PDX1: variants seen among roughly 807,000 people sequenced by gnomAD.
PDX1 encodes pancreas/duodenum homeobox protein 1.
PDX1 carries 7 observed loss-of-function variants against 11.1 expected under a neutral mutation model. The ratio of observed to expected loss-of-function variants is 0.63; its 90% CI spans 0.36 to 1.19. The LOEUF is 1.19. Among genes scored for constraint, PDX1 ranks in the 50% most tolerant of loss-of-function variants. PDX1 has a pLI of 0.02. For missense variants in PDX1, 449 were observed against 412.1 expected (o/e 1.09, Z -0.78); for synonymous variants, 232 against 196.2 (o/e 1.18, Z -1.53).
chr13:27,924,737 C>A lies in PDX1; in HGVS notation c.*36C>A. On this transcript the variant is annotated 3_prime_UTR_variant, in exon 2 of 2. Coordinates refer to ENST00000381033, the MANE Select transcript of PDX1 (RefSeq NM_000209.4). This position sits in a 1 kb window ranked among gnomAD's most constrained non-coding sequence, Gnocchi z 4.8. The stretch of plus-strand genomic sequence containing the variant: ...CTGCTCCTGGCTGAGGGGCTTCAAC[C>A]ACTCGCCGAGGAGGAGCAGAGGGCC... The A allele has an allele frequency of 1.4e-6, 2 of 1,419,980 alleles. No homozygotes were observed. Among genetic ancestry groups the A allele is most frequent in the South Asian group, 1.5e-5 (1 of 67,340 alleles). The allele number at this position is 1,419,980 out of a possible 1,614,324, so 88.0% of individuals were successfully genotyped here.
intron 1 of PDX1, 24 bp downstream of exon 1, chr13:27,920,568 T>G: frequency 6.2e-7 from 1 of 1,612,088 alleles, no homozygotes; most frequent in South Asian, 1.1e-5. Flanking sequence ...CCCACCCCTT[T>G]CTCCTTTCCG....
rs920108298 is a variant in PDX1, at chr13:27,924,619, G to A, written c.770G>A (p.Arg257Gln). 9 of 1,471,902 alleles carry A rather than the reference G, an allele frequency of 6.1e-6. No homozygotes were observed. Among genetic ancestry groups the A allele is most frequent in the Non-Finnish European group, 7.2e-6 (8 of 1,117,160 alleles). 91.2% of individuals were successfully genotyped at this position (1,471,902 alleles called of 1,614,324 possible). Reference protein sequence around the residue: ...AVPPAAPVAAREGRLPPGLSA... With the variant: ...AVPPAAPVAAQEGRLPPGLSA... ...CCGCCCGCTGCCCCCGTTGCCGCCCGAGAGGGCCGCCTGCCGCCTGGCCTT... is the reference window on the plus strand; with the variant it reads ...CCGCCCGCTGCCCCCGTTGCCGCCCAAGAGGGCCGCCTGCCGCCTGGCCTT... Residue 257 changes from arginine (R) to glutamine (Q), a missense_variant, in exon 2 of 2, where the codon CGA becomes CAA. Arg to Gln is a conservative substitution (Grantham distance 43). Around this residue, in one of 3 missense-constraint regions of PDX1, gnomAD observed 139 missense variants for 121.4 expected, o/e 1.14. Transcript: ENST00000381033. This position sits in a 1 kb window ranked among gnomAD's most constrained non-coding sequence, Gnocchi z 4.8.
intron 1 of PDX1, among the ~76,000 whole-genome samples, chr13:27,920,961 G>A (rs1957782113): frequency 6.6e-6 from 1 of 152,222 alleles, no homozygotes; most frequent in African/African-American, 2.4e-5. Flanking sequence ...CTCGGACCCA[G>A]GCCCCAGATC....
Position 27,924,654 on chromosome 13 carries a change from C to T in PDX1, c.805C>T (p.Pro269Ser). The part of the protein sequence containing the change: ...GRLPPGLSAS[P>S]QPSSVAPRRP... ...CCTGCCGCCTGGCCTTAGCGCGTCG[C>T]CACAGCCCTCCAGCGTCGCGCCTCG... Residue 269 changes from proline (P) to serine (S), a missense_variant, in exon 2 of 2, where the codon CCA becomes TCA. This residue lies in a region of PDX1 where 139 missense variants were observed against 121.4 expected (regional missense o/e 1.14). Transcript: ENST00000381033. The surrounding 1 kb of genome is among the most constrained non-coding windows in gnomAD (Gnocchi z 4.8). 2 of 1,477,980 alleles carry T rather than the reference C, an allele frequency of 1.4e-6. No individual in the cohort carries two copies. The highest frequency in any genetic ancestry group is 5.7e-5 in the East Asian group (2 of 34,984). The allele number at this position is 1,477,980 out of a possible 1,614,324, so 91.6% of individuals were successfully genotyped here.
In PDX1 at chr13:27,925,574, C is replaced by T. The variant is rs11620280; in HGVS notation, c.*873C>T. On this transcript the variant is annotated 3_prime_UTR_variant, in exon 2 of 2. Transcript: ENST00000381033. ...CTCTTCCTCCTCCTCCTCTTCTTCT[C>T]CCTCCTCTTCCTCCTCCTCTTTCTT... 2.1e-5 allele frequency: 4 copies of T among 192,046 alleles called. No homozygotes were observed. Among genetic ancestry groups the T allele is most frequent in the South Asian group, 8.3e-5 (1 of 12,074 alleles). The allele number at this position is 192,046 out of a possible 1,614,324, so 11.9% of individuals were successfully genotyped here.
At chr13:27,921,763 T>C (rs1472575666) in intron 1 of PDX1, among the ~76,000 whole-genome samples, 1 of 152,178 alleles carries the variant, frequency 6.6e-6, no homozygotes, top group African/African-American at 2.4e-5. Flanking sequence ...TTCACTTTCT[T>C]GCTAAGGCGA....
In PDX1 at chr13:27,920,210, G is replaced by A. The variant is rs1406600957; in HGVS notation, c.72G>A (p.Pro24=). The change falls in exon 1 of 2, where the codon CCG becomes CCA. Residue 24 remains proline, a synonymous_variant. Transcript: ENST00000381033. ...ACCCATGCGCGTTCCAGCGAGGCCC[G>A]GCGCCGGAGTTCAGCGCCAGCCCCC... ...YKDPCAFQRG[P]APEFSASPPA... is the part of the protein sequence containing the mutation. 3.2e-6 allele frequency: 5 copies of A among 1,549,334 alleles called. No homozygotes were observed. Among genetic ancestry groups the A allele is most frequent in the South Asian group, 2.4e-5 (2 of 84,004 alleles).
rs770346335 is a variant in PDX1 at position 27,924,641 on chromosome 13, C to T, written c.792C>T (p.Gly264=). Residue 264 remains glycine, a synonymous_variant, in exon 2 of 2, where the codon GGC becomes GGT. Coordinates refer to ENST00000381033, the MANE Select transcript of PDX1 (RefSeq NM_000209.4). This position sits in a 1 kb window ranked among gnomAD's most constrained non-coding sequence, Gnocchi z 4.8. ...VAAREGRLPP[G]LSASPQPSSV... ...CCCGAGAGGGCCGCCTGCCGCCTGG[C>T]CTTAGCGCGTCGCCACAGCCCTCCA... 2.0e-6 allele frequency: 3 copies of T among 1,480,800 alleles called. No homozygotes were observed. The highest frequency in any genetic ancestry group is 1.3e-5 in the South Asian group (1 of 77,180). 91.7% of individuals were successfully genotyped at this position (1,480,800 alleles called of 1,614,324 possible). A position where few individuals can be genotyped will look rare whatever the true frequency, so the allele number is the denominator to read the frequency against.
Position 27,924,272 on chromosome 13 carries a change from G to A in PDX1, c.423G>A (p.Ala141=). 1.9e-6 allele frequency: 3 copies of A among 1,604,914 alleles called. No homozygotes were observed. The highest frequency in any genetic ancestry group is 2.2e-5 in the East Asian group (1 of 44,644). Residue 141 remains alanine, a synonymous_variant, in exon 2 of 2, where the codon GCG becomes GCA. Coordinates refer to ENST00000381033, the MANE Select transcript of PDX1 (RefSeq NM_000209.4). This position sits in a 1 kb window ranked among gnomAD's most constrained non-coding sequence, Gnocchi z 4.8. Reference sequence around the variant, plus strand: ...CGCCCGCAGGCGGCGCCTACGCTGCGGAGCCGGAGGAGAACAAGCGGACGC... The same window carrying A: ...CGCCCGCAGGCGGCGCCTACGCTGCAGAGCCGGAGGAGAACAAGCGGACGC... ...KGQWAGGAYA[A]EPEENKRTRT... is the part of the protein sequence containing the mutation.
chr13:27,922,769 A>C (rs189205049), intron 1 of PDX1, among the ~76,000 whole-genome samples: 1 of 152,278 alleles, frequency 6.6e-6, no homozygotes, highest in Non-Finnish European at 1.5e-5. Context: ...TCTCGCAGGG[A>C]CTATACGAAG....
chr13:27,924,700 G>A lies in PDX1; in HGVS notation c.851G>A (p.Ter284=), dbSNP rs1356661328. The A allele has an allele frequency of 1.5e-5, 22 of 1,472,356 alleles. No individual in the cohort carries two copies. Among genetic ancestry groups the A allele is most frequent in the African/African-American group, 1.5e-4 (10 of 68,612 alleles). 91.2% of individuals were successfully genotyped at this position (1,472,356 alleles called of 1,614,324 possible). A position where few individuals can be genotyped will look rare whatever the true frequency, so the allele number is the denominator to read the frequency against. ...VAPRRPQEPR[*] is the part of the protein sequence containing the mutation. ...CCTCGGCGGCCGCAGGAACCACGAT[G>A]AGAGGCAGGAGCTGCTCCTGGCTGA... Residue 284 remains the stop codon, a stop_retained_variant, in exon 2 of 2, where the codon TGA becomes TAA. Transcript: ENST00000381033. This position sits in a 1 kb window ranked among gnomAD's most constrained non-coding sequence, Gnocchi z 4.8.
intron 1 of PDX1, among the ~76,000 whole-genome samples, chr13:27,922,870 G>C (rs1957797745): frequency 6.6e-6 from 1 of 152,204 alleles, no homozygotes; most frequent in Admixed American, 6.5e-5. Flanking sequence ...GGCCCGTCTC[G>C]CTTCTCTCCC....
Position 27,924,595 on chromosome 13 carries a change from C to A in PDX1, c.746C>A (p.Pro249Gln). 6.8e-7 allele frequency: 1 copy of A among 1,463,874 alleles called. No homozygotes were observed. The highest frequency in any genetic ancestry group is 1.4e-5 in the South Asian group (1 of 71,610). The allele number at this position is 1,463,874 out of a possible 1,614,324, so 90.7% of individuals were successfully genotyped here. ...PPPPPPGGAV[P>Q]PAAPVAAREG... ...CCGCCGCCCCCCGGAGGTGCTGTGC[C>A]GCCCGCTGCCCCCGTTGCCGCCCGA... The change falls in exon 2 of 2, where the codon CCG becomes CAG. Residue 249 changes from proline to glutamine, a missense_variant. Pro to Gln is a moderately conservative substitution (Grantham distance 76). Coordinates refer to ENST00000381033, the MANE Select transcript of PDX1 (RefSeq NM_000209.4). The surrounding 1 kb of genome is among the most constrained non-coding windows in gnomAD (Gnocchi z 4.8).
In PDX1 at chr13:27,924,819, C is replaced by CG. The variant is rs1957813944; in HGVS notation, c.*122dup. The CG allele has an allele frequency of 1.2e-6, 1 of 847,572 alleles. No individual in the cohort carries two copies. Among genetic ancestry groups the CG allele is most frequent in the South Asian group, 3.5e-5 (1 of 28,532 alleles). 52.5% of individuals were successfully genotyped at this position (847,572 alleles called of 1,614,324 possible). On this transcript the variant is annotated 3_prime_UTR_variant, in exon 2 of 2. Transcript: ENST00000381033. This position sits in a 1 kb window ranked among gnomAD's most constrained non-coding sequence, Gnocchi z 4.8. Reference sequence around the variant, plus strand: ...TGGCAGTTGAATGGGGCGGCAATTGCGGGGCCCACCTTAGACCGAAGGGGA... The same window carrying CG: ...TGGCAGTTGAATGGGGCGGCAATTGCGGGGGCCCACCTTAGACCGAAGGGGA...
chr13:27,923,919 T>C (rs2137505699), intron 1 of PDX1, among the ~76,000 whole-genome samples: 1 of 152,354 alleles, frequency 6.6e-6, no homozygotes, highest in African/African-American at 2.4e-5. Context: ...AACTATTATA[T>C]ACATTTAAAT....
intron 1 of PDX1, among the ~76,000 whole-genome samples, chr13:27,922,053 A>G (rs981212751): frequency 7.2e-5 from 11 of 152,210 alleles, no homozygotes; most frequent in African/African-American, 2.6e-4. Context: ...AGGCCCTCGG[A>G]GCTCCTGCTT....
chr13:27,920,615 G>A, intron 1 of PDX1, 71 bp downstream of exon 1: 1 of 1,521,190 alleles, frequency 6.6e-7, no homozygotes. Flanking sequence ...AGCGCTCCCA[G>A]GAGCCTTCTC....
At position 27,926,178 on chromosome 13, in the gene PDX1, G is replaced by A. The variant is rs1375872076; in HGVS notation, c.*1477G>A. ...GGTCTGGGCCTTGTGCTCGGGTTAT[G>A]TTTGTGGGAAATGCTTAATAAATAC... On this transcript the variant is annotated 3_prime_UTR_variant, in exon 2 of 2. Coordinates refer to ENST00000381033, the MANE Select transcript of PDX1 (RefSeq NM_000209.4). 1 of 152,218 alleles carries A rather than the reference G, an allele frequency of 6.6e-6. No individual in the cohort carries two copies. Among genetic ancestry groups the A allele is most frequent in the Non-Finnish European group, 1.5e-5 (1 of 68,046 alleles). 9.4% of individuals were successfully genotyped at this position (152,218 alleles called of 1,614,324 possible).
rs1252897877 is a variant in PDX1 at position 27,925,444 on chromosome 13, TC to T, written c.*748del. The T allele has an allele frequency of 8.6e-6, 1 of 116,840 alleles. No homozygotes were observed. The highest frequency in any genetic ancestry group is 1.7e-5 in the Non-Finnish European group (1 of 59,964). 7.2% of individuals were successfully genotyped at this position (116,840 alleles called of 1,614,324 possible). A position where few individuals can be genotyped will look rare whatever the true frequency, so the allele number is the denominator to read the frequency against. On this transcript the variant is annotated 3_prime_UTR_variant, in exon 2 of 2. Coordinates refer to ENST00000381033, the MANE Select transcript of PDX1 (RefSeq NM_000209.4). Reference sequence around the variant, plus strand: ...CCCCTCCTCTCCCTCCTCCTCTTCTTCCCCCTCCTCTCCCTCCTCCTCTTCT... The same window carrying T: ...CCCCTCCTCTCCCTCCTCCTCTTCTTCCCCTCCTCTCCCTCCTCCTCTTCT...
Sources: allele counts gnomAD v4.1 joint callset (sites outside exome capture counted in the v4.1 genomes callset), GRCh38; gene constraint gnomAD v4.1.1; regional missense constraint gnomAD v4.1.1; non-coding constraint Gnocchi (gnomAD v3.1); transcripts MANE v1.5; gene names NCBI Gene and HGNC (gene_info 2026-07-23, HGNC 2026-07-21).